CCDC102B: variants seen among roughly 807,000 people sequenced by gnomAD.
CCDC102B encodes the protein coiled-coil domain-containing protein 102B.
In CCDC102B, 75 loss-of-function variants were observed where a neutral mutation model predicts 57.4. That is an observed-to-expected ratio of 1.31 (90% confidence interval 1.08 to 1.58). The LOEUF is 1.58. Ranked by LOEUF, CCDC102B falls within the 40% of genes most tolerant of loss-of-function variation. The pLI, the probability that CCDC102B is intolerant of heterozygous loss-of-function variation, is 0.00. For missense variants in CCDC102B, 636 were observed against 582.6 expected (o/e 1.09, Z -0.94); for synonymous variants, 206 against 201.9 (o/e 1.02, Z -0.17).
At chr18:68,980,255 C>CT (rs74712689) in intron 6 of CCDC102B, among the ~76,000 whole-genome samples, 7,073 of 141,048 alleles carry the variant, frequency 0.05, 588 homozygotes, top group African/African-American at 0.17. Context: ...ATATTCAATC[C>CT]TTTTTTTTTT....
intron 5 of CCDC102B, among the ~76,000 whole-genome samples, chr18:68,884,239 A>G (rs1217729207): frequency 6.6e-6 from 1 of 152,154 alleles, no homozygotes; most frequent in Non-Finnish European, 1.5e-5. Flanking sequence ...ATTATTCACA[A>G]TAGTCAAGAT....
Position 68,946,947 on chromosome 18 carries a change from G to A in CCDC102B, c.1263+49519G>A, listed in dbSNP as rs577144885. ...AATAATCCCCAATGGATGCATCATGGAACAGCAAGTGTCTTATAATACGTA... is the reference window on the plus strand; with the variant it reads ...AATAATCCCCAATGGATGCATCATGAAACAGCAAGTGTCTTATAATACGTA... On this transcript the variant is annotated intron_variant, in intron 6 of 7. Coordinates refer to ENST00000360242, the MANE Select transcript of CCDC102B (RefSeq NM_024781.3). 6.6e-5 allele frequency among the ~76,000 whole-genome samples: 10 copies of A among 151,988 alleles called. No individual in the cohort carries two copies. The East Asian group carries it at 1.9e-3, about 29-fold the overall frequency.
chr18:68,806,460 T>C (rs1365539679), intron 1 of CCDC102B, among the ~76,000 whole-genome samples: 3 of 152,174 alleles, frequency 2.0e-5, no homozygotes, highest in Non-Finnish European at 2.9e-5. Context: ...AATATGTTTT[T>C]CAAGCATATA....
chr18:69,048,215 T>C (rs966109570), intron 7 of CCDC102B, among the ~76,000 whole-genome samples: 6 of 151,602 alleles, frequency 4.0e-5, no homozygotes, highest in African/African-American at 1.5e-4. Context: ...TAAGTGTGTG[T>C]GTGTGTGTTT....
chr18:68,972,109 A>T (rs2050316854), intron 6 of CCDC102B, among the ~76,000 whole-genome samples: 1 of 152,204 alleles, frequency 6.6e-6, no homozygotes, highest in South Asian at 2.1e-4. Flanking sequence ...AGACATTTAC[A>T]AAATCCAAAG....
chr18:68,874,648 A>G (rs774067434), intron 4 of CCDC102B, 21 bp from the exon 5 acceptor site: 2 of 1,473,268 alleles, frequency 1.4e-6, no homozygotes, highest in South Asian at 2.3e-5. Context: ...CTGTGATTGT[A>G]ATTTCAACTT....
In CCDC102B at chr18:68,847,143, A is replaced by G. The variant is rs62097582; in HGVS notation, c.936+722A>G. 9.2e-3 allele frequency among the ~76,000 whole-genome samples: 1,403 copies of G among 151,932 alleles called. 17 individuals carry two copies. Among genetic ancestry groups the G allele is most frequent in the Non-Finnish European group, 0.016 (1,054 of 67,764 alleles). ...AATAATGACTATTTTTACATGAGTT[A>G]ACATTTAGTGGGTGTGTGTGCAATA... On this transcript the variant is annotated intron_variant, in intron 4 of 7. Transcript: ENST00000360242.
intron 4 of CCDC102B, among the ~76,000 whole-genome samples, chr18:68,864,786 G>GGCTTTACTGCTC (rs2038904770): frequency 6.6e-6 from 1 of 152,014 alleles, no homozygotes; most frequent in Non-Finnish European, 1.5e-5. Context: ...ACTGAATGTA[G>GGCTTTACTGCTC]AAACATTTTC....
At chr18:68,925,150 A>G (rs1882197359) in intron 6 of CCDC102B, among the ~76,000 whole-genome samples, 1 of 152,078 alleles carries the variant, frequency 6.6e-6, no homozygotes, top group African/African-American at 2.4e-5. Flanking sequence ...TCCTACCACC[A>G]TCTACAACTT....
chr18:68,825,497 A>G (rs7242164), intron 1 of CCDC102B, among the ~76,000 whole-genome samples: 1,547 of 152,192 alleles, frequency 0.01, 15 homozygotes, highest in Middle Eastern at 0.024. Flanking sequence ...GGAGACCAGC[A>G]TGGCCAACAT....
intron 6 of CCDC102B, among the ~76,000 whole-genome samples, chr18:68,928,832 G>C (rs1364172303): frequency 6.6e-6 from 1 of 151,830 alleles, no homozygotes; most frequent in African/African-American, 2.4e-5. Flanking sequence ...ATTTTAAAGA[G>C]GGGGGACAAT....
At chr18:68,981,891 T>G (rs528017393) in intron 6 of CCDC102B, among the ~76,000 whole-genome samples, 2 of 151,950 alleles carry the variant, frequency 1.3e-5, no homozygotes, top group Admixed American at 6.6e-5. Flanking sequence ...GTTTCCAAGT[T>G]CCTCCATGTC....
At chr18:68,757,591 TATTA>T (rs1169731039) in intron 2 of CCDC102B, among the ~76,000 whole-genome samples, 1 of 152,212 alleles carries the variant, frequency 6.6e-6, no homozygotes, top group Admixed American at 6.5e-5. Context: ...TATTGCTTTA[TATTA>T]ATTGTTGCCA....
At chr18:68,951,345 G>T (rs2049692189) in intron 6 of CCDC102B, among the ~76,000 whole-genome samples, 1 of 152,134 alleles carries the variant, frequency 6.6e-6, no homozygotes, top group South Asian at 2.1e-4. Flanking sequence ...GCAGACTTCA[G>T]ATTTGCACTT....
intron 7 of CCDC102B, among the ~76,000 whole-genome samples, chr18:69,021,823 C>T (rs529391907): frequency 3.3e-5 from 5 of 152,294 alleles, no homozygotes; most frequent in Admixed American, 1.3e-4. Flanking sequence ...CAAAAGTGAA[C>T]ACATGTCCAG....
At chr18:68,931,393 A>C (rs2041667751) in intron 6 of CCDC102B, among the ~76,000 whole-genome samples, 1 of 151,866 alleles carries the variant, frequency 6.6e-6, no homozygotes, top group Admixed American at 6.6e-5. Flanking sequence ...TTCATATAGC[A>C]ATCTAATTTG....
chr18:68,729,627 C>T (rs939979517), intron 2 of CCDC102B, among the ~76,000 whole-genome samples: 3 of 152,112 alleles, frequency 2.0e-5, no homozygotes, highest in Non-Finnish European at 4.4e-5. Flanking sequence ...AATTTGGGTC[C>T]AAACCCTACA....
intron 6 of CCDC102B, among the ~76,000 whole-genome samples, chr18:68,947,611 A>G (rs758271880): frequency 1.3e-5 from 2 of 152,228 alleles, no homozygotes; most frequent in East Asian, 3.9e-4. Flanking sequence ...ACTTTCTGAA[A>G]TGGTTTTCTC....
At chr18:68,885,442 AT>A (rs2039850576) in intron 5 of CCDC102B, among the ~76,000 whole-genome samples, 1 of 152,066 alleles carries the variant, frequency 6.6e-6, no homozygotes, top group Non-Finnish European at 1.5e-5. Flanking sequence ...AGCAAAGTTC[AT>A]TTCATTAAAG....
Sources: allele counts gnomAD v4.1 joint callset (sites outside exome capture counted in the v4.1 genomes callset), GRCh38; gene constraint gnomAD v4.1.1; transcripts MANE v1.5; gene names NCBI Gene and HGNC (gene_info 2026-07-23, HGNC 2026-07-21).